The following NPAS3 variants were observed in gnomAD, a reference collection of about 807,000 sequenced individuals.
The protein encoded by NPAS3 is neuronal PAS domain-containing protein 3.
NPAS3 carries 14 observed loss-of-function variants against 73.1 expected under a neutral mutation model. That is an observed-to-expected ratio of 0.19 (90% CI 0.13 to 0.30). The LOEUF (loss-of-function observed/expected upper bound fraction) is 0.30. Among genes scored for constraint, NPAS3 ranks in the 10% least tolerant of loss-of-function variants. NPAS3 has a pLI of 1.00. For missense variants in NPAS3, 1,096 were observed against 1,250.0 expected, an observed-to-expected ratio of 0.88 and a Z score of 1.86; for synonymous variants, 620 against 541.5, an observed-to-expected ratio of 1.14 and a Z score of -2.01.
intron 7 of NPAS3, among the ~76,000 whole-genome samples, chr14:33,753,775 A>G (rs1325236603): frequency 6.6e-6 from 1 of 152,142 alleles, no homozygotes; most frequent in African/African-American, 2.4e-5. Context: ...CTAAGCTTTT[A>G]TTTCCCAAAT....
chr14:33,215,256 A>G (rs1378081261), exon 3 of NPAS3: 3 of 1,601,030 alleles, frequency 1.9e-6, no homozygotes, highest in African/African-American at 1.3e-5. Flanking sequence ...TTTGAGTTCT[A>G]TGAATTGGCC....
chr14:33,683,458 C>T (rs754155641), intron 6 of NPAS3, among the ~76,000 whole-genome samples: 18 of 136,428 alleles, frequency 1.3e-4, no homozygotes, highest in African/African-American at 3.4e-4. Context: ...AAAAGGTGGC[C>T]GTCTCTGTCA....
At chr14:33,484,150 A>C (rs1375208909) in intron 4 of NPAS3, among the ~76,000 whole-genome samples, 1 of 152,154 alleles carries the variant, frequency 6.6e-6, no homozygotes, top group East Asian at 1.9e-4. Context: ...GTTTGAAGGC[A>C]ATAGATTCTA....
At chr14:33,269,316 A>G (rs1026609722) in intron 3 of NPAS3, among the ~76,000 whole-genome samples, 31 of 152,290 alleles carry the variant, frequency 2.0e-4, no homozygotes, top group African/African-American at 6.5e-4. Flanking sequence ...TCCTCATTTT[A>G]TAGATGAGAA....
At chr14:33,501,108 C>A (rs2052493008) in intron 4 of NPAS3, among the ~76,000 whole-genome samples, 1 of 151,898 alleles carries the variant, frequency 6.6e-6, no homozygotes, top group Non-Finnish European at 1.5e-5. Context: ...CAATATATTT[C>A]CTTGAAAATA....
At chr14:33,699,709 G>A (rs1207276417) in intron 6 of NPAS3, among the ~76,000 whole-genome samples, 1 of 152,104 alleles carries the variant, frequency 6.6e-6, no homozygotes, top group African/African-American at 2.4e-5. Context: ...GCAGAACAGG[G>A]TTATTAAATC....
At chr14:33,577,081 C>A (rs2056465610) in intron 5 of NPAS3, among the ~76,000 whole-genome samples, 1 of 152,196 alleles carries the variant, frequency 6.6e-6, no homozygotes, top group Admixed American at 6.5e-5. Flanking sequence ...TGAGTAAAGA[C>A]AATGTAGCTG....
chr14:33,666,617 T>A (rs1191546418), intron 5 of NPAS3, among the ~76,000 whole-genome samples: 1 of 152,198 alleles, frequency 6.6e-6, no homozygotes, highest in South Asian at 2.1e-4. Context: ...TTGTCAAAAA[T>A]TATTCATCTA....
At chr14:33,119,594 G>T (rs994072734) in intron 2 of NPAS3, among the ~76,000 whole-genome samples, 2 of 152,070 alleles carry the variant, frequency 1.3e-5, no homozygotes, top group Non-Finnish European at 2.9e-5. Context: ...ATTGGTCAAT[G>T]AAAAGGGGAA....
chr14:32,996,612 G>GGC (rs796326885), intron 1 of NPAS3, among the ~76,000 whole-genome samples: 14 of 151,764 alleles, frequency 9.2e-5, no homozygotes, highest in African/African-American at 3.4e-4. Flanking sequence ...GTAGAGCTCA[G>GGC]GCCATGGCTT....
chr14:32,975,971 C>A (rs2037658450), intron 1 of NPAS3, among the ~76,000 whole-genome samples: 1 of 151,858 alleles, frequency 6.6e-6, no homozygotes, highest in Non-Finnish European at 1.5e-5. Flanking sequence ...CTTCCTCTGG[C>A]CTCCTTGGGG....
intron 1 of NPAS3, among the ~76,000 whole-genome samples, chr14:33,021,700 T>G (rs186982902): frequency 2.6e-5 from 4 of 152,350 alleles, no homozygotes; most frequent in Admixed American, 2.0e-4. Flanking sequence ...CTTTCTCTTC[T>G]GAGCCCCTCA....
At chr14:33,333,679 G>A (rs375633824) in intron 3 of NPAS3, among the ~76,000 whole-genome samples, 1 of 152,070 alleles carries the variant, frequency 6.6e-6, no homozygotes, top group Non-Finnish European at 1.5e-5. Flanking sequence ...TCATTATTAA[G>A]TAAAGCCTCC....
intron 3 of NPAS3, among the ~76,000 whole-genome samples, chr14:33,352,912 G>T (rs1376239466): frequency 6.6e-6 from 1 of 152,114 alleles, no homozygotes; most frequent in East Asian, 1.9e-4. Context: ...GTTAGTTCAA[G>T]AAAATGAAAG....
intron 2 of NPAS3, among the ~76,000 whole-genome samples, chr14:33,165,009 T>C (rs1185285305): frequency 6.6e-6 from 1 of 152,190 alleles, no homozygotes; most frequent in Non-Finnish European, 1.5e-5. Flanking sequence ...CAGAAAAATG[T>C]ACTGAAGTGT....
chr14:33,543,396 A>C lies in NPAS3; in HGVS notation c.469-16725A>C, dbSNP rs568607737. Among the ~76,000 whole-genome samples, 3 of 152,282 alleles carry C rather than the reference A, an allele frequency of 2.0e-5. No individual in the cohort carries two copies. The Middle Eastern group carries it at 0.01, about 518-fold the overall frequency. On this transcript the variant is annotated intron_variant, in intron 4 of 11. Transcript: ENST00000356141. ...CTGTTTTAGTACCTAGAACCTTCCC[A>C]TTCTTTCTTCACATTCTTTATAGAT...
chr14:33,317,851 G>A (rs945776973), intron 3 of NPAS3, among the ~76,000 whole-genome samples: 68 of 152,142 alleles, frequency 4.5e-4, no homozygotes, highest in African/African-American at 1.5e-3. Context: ...AACAGCTACC[G>A]TAATATGAAC....
chr14:33,668,587 A>G (rs1167729154), intron 5 of NPAS3, among the ~76,000 whole-genome samples: 2 of 152,190 alleles, frequency 1.3e-5, no homozygotes, highest in African/African-American at 2.4e-5. Context: ...ACGTTGAGGC[A>G]GGCCGATCAC....
At chr14:33,450,090 G>A (rs993373423) in intron 4 of NPAS3, among the ~76,000 whole-genome samples, 1 of 152,188 alleles carries the variant, frequency 6.6e-6, no homozygotes, top group African/African-American at 2.4e-5. Context: ...CCCATTAAAA[G>A]TATTACATGG....
Sources: gnomAD v4.1 joint callset for allele counts (sites outside exome capture counted in the v4.1 genomes callset) on GRCh38, gnomAD v4.1.1 for gene constraint, MANE v1.5 for transcripts, NCBI Gene and HGNC (gene_info 2026-07-23, HGNC 2026-07-21) for gene names.